ABCB5: variants seen among roughly 807,000 people sequenced by gnomAD.
The protein encoded by ABCB5 is ATP binding cassette subfamily B member 5.
In ABCB5, 155 loss-of-function variants were observed where a neutral mutation model predicts 144.2. The observed-to-expected ratio is 1.08, with a 90% CI of 0.94 to 1.23. The LOEUF (loss-of-function observed/expected upper bound fraction) is 1.23. Among genes scored for constraint, ABCB5 ranks in the 50% most tolerant of loss-of-function variants. The pLI is 0.00. For synonymous variants in ABCB5, 610 were observed against 528.6 expected (o/e 1.15, Z -2.11); for missense variants, 1,830 against 1,520.8 (o/e 1.20, Z -3.38).
At chr7:20,746,122 A>G (rs1782713982) in intron 26 of ABCB5, among the ~76,000 whole-genome samples, 2 of 150,824 alleles carry the variant, frequency 1.3e-5, no homozygotes, top group African/African-American at 4.9e-5. Flanking sequence ...TTTTTTTGAC[A>G]GAGTTTCGCT....
intron 14 of ABCB5, among the ~76,000 whole-genome samples, chr7:20,679,455 G>C (rs1382582279): frequency 2.6e-5 from 2 of 76,990 alleles, no homozygotes; most frequent in Non-Finnish European, 4.5e-5. Flanking sequence ...TGGGCAACAA[G>C]AGCTAAACTC....
chr7:20,618,268 A>G lies in ABCB5; in HGVS notation c.-22+2431A>G, dbSNP rs1271465568. Among the ~76,000 whole-genome samples the G allele has an allele frequency of 2.6e-5, 4 of 152,106 alleles. No homozygotes were observed. The East Asian group carries it at 7.7e-4, about 29-fold the overall frequency. ...TTTTCTCTATGGATTTGCCTGCTCT[A>G]GGCACTTCATATTAATGGAATTATA... On this transcript the variant is annotated intron_variant, in intron 1 of 27. Transcript: ENST00000404938.
At chr7:20,751,021 C>G (rs977803785) in intron 26 of ABCB5, among the ~76,000 whole-genome samples, 3 of 152,136 alleles carry the variant, frequency 2.0e-5, no homozygotes, top group Admixed American at 2.0e-4. Flanking sequence ...ACCACTGTAA[C>G]CACCCTGAAA....
intron 25 of ABCB5, among the ~76,000 whole-genome samples, chr7:20,744,784 T>A (rs1412438256): frequency 3.3e-5 from 5 of 151,790 alleles, no homozygotes; most frequent in African/African-American, 4.8e-5. Flanking sequence ...TAAAAAAATA[T>A]ATATATATAA....
At chr7:20,639,815 T>G (rs1432174464) in intron 5 of ABCB5, among the ~76,000 whole-genome samples, 5 of 152,214 alleles carry the variant, frequency 3.3e-5, no homozygotes, top group Non-Finnish European at 7.4e-5. Context: ...TTTTTAAAAA[T>G]TACTTTGGCT....
At chr7:20,641,790 T>A (rs1197391389) in intron 5 of ABCB5, 1 of 152,366 alleles carries the variant, frequency 6.6e-6, no homozygotes, top group Non-Finnish European at 1.5e-5. Flanking sequence ...ATTCTCATAA[T>A]CTAGAGGACT....
At chr7:20,728,171 A>G in intron 22 of ABCB5, 144 bp from the exon 23 acceptor site, 4 of 880,892 alleles carry the variant, frequency 4.5e-6, no homozygotes, top group East Asian at 5.5e-5. Flanking sequence ...AAAAAAAAAA[A>G]TCACTTTCTC....
intron 24 of ABCB5, 60 bp downstream of exon 24, chr7:20,739,199 C>A: frequency 2.7e-6 from 4 of 1,455,230 alleles, no homozygotes; most frequent in Non-Finnish European, 3.6e-6. Context: ...GAACTGGGGG[C>A]CACTGAAGAT....
At position 20,723,115 on chromosome 7, in the gene ABCB5, A is replaced by T; in HGVS notation, c.2521A>T (p.Ile841Phe). The T allele has an allele frequency of 1.2e-6, 2 of 1,614,156 alleles. No homozygotes were observed. Among genetic ancestry groups the T allele is most frequent in the Non-Finnish European group, 1.7e-6 (2 of 1,180,024 alleles). The part of the protein sequence containing the change: ...FIYGWEMTFL[I>F]LSIAPVLAVT... ...ATATGGATGGGAGATGACATTCCTG[A>T]TTCTGAGTATTGCTCCAGTACTTGC... is the stretch of plus-strand genomic sequence containing the variant. The change falls in exon 21 of 28, where the codon ATT becomes TTT. Residue 841 changes from isoleucine (I) to phenylalanine (F), a missense_variant. Transcript: ENST00000404938.
In ABCB5 at chr7:20,685,827, A is replaced by G; in HGVS notation, c.2001A>G (p.Gln667=). The G allele has an allele frequency of 3.1e-6, 5 of 1,606,934 alleles. No homozygotes were observed. Among genetic ancestry groups the G allele is most frequent in the Non-Finnish European group, 4.2e-6 (5 of 1,177,722 alleles). ...DFIDKAEEST[Q]SKEISLPEVS... is the part of the protein sequence containing the mutation. ...TTGACAAGGCTGAGGAATCCACCCAATCTAAAGAGGTAATGGCTCAGCGAT... is the reference window on the plus strand; with the variant it reads ...TTGACAAGGCTGAGGAATCCACCCAGTCTAAAGAGGTAATGGCTCAGCGAT... Residue 667 remains glutamine (Q), a synonymous_variant, in exon 16 of 28, where the codon CAA becomes CAG. Coordinates refer to ENST00000404938, the MANE Select transcript of ABCB5 (RefSeq NM_001163941.2).
chr7:20,673,001 CT>C (rs1785497995), intron 14 of ABCB5, among the ~76,000 whole-genome samples: 1 of 151,834 alleles, frequency 6.6e-6, no homozygotes, highest in Non-Finnish European at 1.5e-5. Flanking sequence ...ACTTGCCCTT[CT>C]TTTTCTTGTT....
At chr7:20,742,742 G>A (rs1249137263) in intron 24 of ABCB5, 135 bp from the exon 25 acceptor site, 1 of 780,102 alleles carries the variant, frequency 1.3e-6, no homozygotes, top group Non-Finnish European at 2.1e-6. Context: ...CAGCTCTACA[G>A]AGATGCATAC....
chr7:20,743,048 C>T lies in ABCB5; in HGVS notation c.3196C>T (p.Leu1066Phe), dbSNP rs369621020. The T allele has an allele frequency of 2.0e-5, 32 of 1,613,928 alleles. No individual in the cohort carries two copies. In the African/African-American group the frequency reaches 2.7e-4, roughly 13 times the overall value. Residue 1066 changes from leucine to phenylalanine, a missense_variant, in exon 25 of 28, where the codon CTT (leucine) becomes TTT (phenylalanine). Physicochemically the swap from Leu to Phe is conservative, Grantham distance 22 (BLOSUM62 0). Transcript: ENST00000404938. ...CACTTCTGTTCAACTTCTGCAGAGACTTTATGACCCCGTGCAAGGACAAGT... is the reference window on the plus strand; with the variant it reads ...CACTTCTGTTCAACTTCTGCAGAGATTTTATGACCCCGTGCAAGGACAAGT... ...KSTSVQLLQRLYDPVQGQVLF... is the reference protein window; with the variant it reads ...KSTSVQLLQRFYDPVQGQVLF...
At position 20,741,102 on chromosome 7, in the gene ABCB5, CA is replaced by C. The variant is rs752938155; in HGVS notation, c.3025-1757del. 1.6e-3 allele frequency among the ~76,000 whole-genome samples: 86 copies of C among 53,780 alleles called. 5 individuals carry two copies. Among genetic ancestry groups the C allele is most frequent in the Middle Eastern group, 0.012 (1 of 86 alleles). The allele number at this position is 53,780 out of a possible 152,430, so 35.3% of individuals were successfully genotyped here. ...TGGGTGACAGAGCGAGACTCCTTCT[CA>C]AAAAAAAAAAAAAAAAATTAAAGTC... On this transcript the variant is annotated intron_variant, in intron 24 of 27. Coordinates refer to ENST00000404938, the MANE Select transcript of ABCB5 (RefSeq NM_001163941.2).
intron 23 of ABCB5, among the ~76,000 whole-genome samples, chr7:20,731,266 T>A (rs1782203712): frequency 6.6e-6 from 1 of 150,672 alleles, no homozygotes; most frequent in Non-Finnish European, 1.5e-5. Context: ...GGGACAAGAA[T>A]TGCTTCAACC....
intron 19 of ABCB5, among the ~76,000 whole-genome samples, chr7:20,702,828 A>ATTTTTTTTTTT (rs5882755): frequency 8.8e-6 from 1 of 114,120 alleles, no homozygotes; most frequent in Admixed American, 9.5e-5. Context: ...CGCCTGGCTA[A>ATTTTTTTTTTT]TTTTTTTTTT....
At chr7:20,658,737 A>G (rs1784897476) in intron 14 of ABCB5, 61 bp downstream of exon 14, 2 of 1,569,092 alleles carry the variant, frequency 1.3e-6, no homozygotes, top group Non-Finnish European at 1.7e-6. Flanking sequence ...TTTGAAGTAC[A>G]AGAAAGTATA....
Position 20,755,577 on chromosome 7 carries a change from A to ATG in ABCB5, c.3727_3728insTG (p.Asn1243MetfsTer9). On this transcript the variant is annotated frameshift_variant, in exon 28 of 28. Coordinates refer to ENST00000404938, the MANE Select transcript of ABCB5 (RefSeq NM_001163941.2). LOFTEE classifies it high-confidence loss of function. ...AGGAACTCATCAAGAGCTCCTGAGA[A>ATG]ATCGAGACATATATTTTAAGTTAGT... 1.9e-6 allele frequency: 3 copies of ATG among 1,614,236 alleles called. No individual in the cohort carries two copies. The highest frequency in any genetic ancestry group is 2.5e-6 in the Non-Finnish European group (3 of 1,180,042).
In ABCB5 at chr7:20,681,058, CTCTTTCTTTCTTTCTT is replaced by C. The variant is rs869158355; in HGVS notation, c.1708-393_1708-378del. Among the ~76,000 whole-genome samples, 32 of 47,584 alleles carry C rather than the reference CTCTTTCTTTCTTTCTT, an allele frequency of 6.7e-4. 3 individuals are homozygous for C. In the South Asian group the frequency reaches 0.012, roughly 17 times the overall value. The allele number at this position is 47,584 out of a possible 152,430, so 31.2% of individuals were successfully genotyped here. On this transcript the variant is annotated intron_variant, in intron 14 of 27. Coordinates refer to ENST00000404938, the MANE Select transcript of ABCB5 (RefSeq NM_001163941.2). ...TCTCTTTCTTTCTTTCTCTCTCTCT[CTCTTTCTTTCTTTCTT>C]TCTTTCTTTCTTTCTTTCTTTCTTT...
Sources: gnomAD v4.1 joint callset for allele counts (sites outside exome capture counted in the v4.1 genomes callset) on GRCh38, gnomAD v4.1.1 for gene constraint, MANE v1.5 for transcripts, NCBI Gene and HGNC (gene_info 2026-07-23, HGNC 2026-07-21) for gene names.